Variants in ZNF676 observed in about 807,000 individuals in gnomAD.
The protein encoded by ZNF676 is zinc finger protein 676.
A neutral mutation model predicts 6.0 loss-of-function variants in ZNF676; 4 were observed. The observed-to-expected ratio is 0.67, with a 90% confidence interval of 0.33 to 1.53. ZNF676 has a LOEUF of 1.53. Among genes scored for constraint, ZNF676 ranks in the 40% most tolerant of loss-of-function variants. The probability of loss-of-function intolerance (pLI) is 0.06; values close to 1 mark genes in which losing one functional copy is unlikely to be tolerated. For synonymous variants in ZNF676, 198 were observed against 223.1 expected (o/e 0.89, Z 1.00); for missense variants, 644 against 679.7 (o/e 0.95, Z 0.58).
chr19:22,213,932 A>C (rs774956172), intron 1 of ZNF676, among the ~76,000 whole-genome samples: 2 of 152,220 alleles, frequency 1.3e-5, no homozygotes, highest in Non-Finnish European at 2.9e-5. Flanking sequence ...GACCCAAAAA[A>C]CATTCTGATA....
chr19:22,191,330 G>A (rs1474984046), intron 2 of ZNF676, among the ~76,000 whole-genome samples: 1 of 152,150 alleles, frequency 6.6e-6, no homozygotes, highest in Non-Finnish European at 1.5e-5. Flanking sequence ...TGGTCCCACA[G>A]AGAATTTTGA....
At chr19:22,190,634 T>TATATAC (rs1243858851) in intron 2 of ZNF676, among the ~76,000 whole-genome samples, 8 of 69,032 alleles carry the variant, frequency 1.2e-4, no homozygotes. Context: ...ATGCAACATA[T>TATATAC]ATATATATAT....
the ZNF676 span, among the ~76,000 whole-genome samples, chr19:22,237,151 T>A: frequency 1.3e-5 from 2 of 152,178 alleles, no homozygotes; most frequent in Non-Finnish European, 2.9e-5. Context: ...CACTCCAGTA[T>A]CCCAATGTGC....
At chr19:22,259,408 C>T in the ZNF676 span, among the ~76,000 whole-genome samples, 1,133 of 152,110 alleles carry the variant, frequency 7.4e-3, 1 homozygote, top group African/African-American at 0.025. Context: ...TCACAATCTC[C>T]TTTTGTGGAC....
chr19:22,253,372 GTATATATATA>G, the ZNF676 span, among the ~76,000 whole-genome samples: 1 of 90,864 alleles, frequency 1.1e-5, no homozygotes, highest in African/African-American at 4.0e-5. Flanking sequence ...GTGTGTGTGT[GTATATATATA>G]TATATATATA....
rs1274937470 is a variant in ZNF676, at chr19:22,180,384, C to A, written c.1333G>T (p.Gly445Ter). The change falls in exon 3 of 3, where the codon GGA becomes TGA. Residue 445 changes from glycine (G) to a stop codon, truncating the protein, a stop_gained. Transcript: ENST00000397121. LOFTEE classifies it low-confidence loss of function (END_TRUNC). ...SLTEHKRIHA[G>*]EKPYKCEECG... ...TCTTCACATTTGTAGGGTTTCTCTC[C>A]AGCATGAATTCTCTTGTGTTCAGTA... is the stretch of plus-strand genomic sequence containing the variant. 6.2e-7 allele frequency: 1 copy of A among 1,613,854 alleles called. No homozygotes were observed. Among genetic ancestry groups the A allele is most frequent in the Non-Finnish European group, 8.5e-7 (1 of 1,179,914 alleles).
upstream of ZNF676, among the ~76,000 whole-genome samples, chr19:22,219,039 T>A (rs1025812615): frequency 6.6e-6 from 1 of 150,846 alleles, no homozygotes; most frequent in Non-Finnish European, 1.5e-5. Context: ...TAGGATTTTT[T>A]TTTTTTTGGT....
At chr19:22,196,492 CTT>C (rs771464852) in intron 1 of ZNF676, 106 bp downstream of exon 1, 112 of 1,593,518 alleles carry the variant, frequency 7.0e-5, no homozygotes, top group Non-Finnish European at 9.1e-5. Context: ...ACTCTTTTGT[CTT>C]TGTCTGTATT....
the ZNF676 span, among the ~76,000 whole-genome samples, chr19:22,257,551 C>A: frequency 6.6e-6 from 1 of 152,160 alleles, no homozygotes; most frequent in Non-Finnish European, 1.5e-5. Flanking sequence ...GTAATAATGT[C>A]CCTGGGGGCA....
intron 2 of ZNF676, among the ~76,000 whole-genome samples, chr19:22,187,934 AGG>A (rs547161386): frequency 1.5e-3 from 223 of 152,120 alleles, no homozygotes; most frequent in African/African-American, 5.1e-3. Flanking sequence ...TTTGTACCAG[AGG>A]TACAAAGAAG....
chr19:22,242,032 G>A, the ZNF676 span, among the ~76,000 whole-genome samples: 1 of 151,884 alleles, frequency 6.6e-6, no homozygotes, highest in Non-Finnish European at 1.5e-5. Flanking sequence ...TACAGTATGT[G>A]AGGGAGTGGA....
At chr19:22,191,992 CA>C (rs1461621407) in intron 2 of ZNF676, among the ~76,000 whole-genome samples, 1 of 152,018 alleles carries the variant, frequency 6.6e-6, no homozygotes, top group Non-Finnish European at 1.5e-5. Context: ...AAAAATTAGT[CA>C]AAAAAATTTT....
intron 1 of ZNF676, 148 bp from the exon 2 acceptor site, chr19:22,193,259 G>A (rs903901015): frequency 9.1e-5 from 87 of 952,810 alleles, no homozygotes; most frequent in Middle Eastern, 2.6e-4. Flanking sequence ...GAAGAAAAAC[G>A]TTATGTGCAG....
intron 1 of ZNF676, among the ~76,000 whole-genome samples, chr19:22,209,126 G>A: frequency 6.6e-6 from 1 of 151,990 alleles, no homozygotes; most frequent in East Asian, 1.9e-4. Flanking sequence ...TTAGCTGAGT[G>A]TGGTGGCACA....
At chr19:22,255,805 A>ACTGCACTC in the ZNF676 span, among the ~76,000 whole-genome samples, 69 of 151,046 alleles carry the variant, frequency 4.6e-4, no homozygotes, top group Non-Finnish European at 2.2e-4. Flanking sequence ...AGATAGTGCC[A>ACTGCACTC]CTGCACTCCT....
the ZNF676 span, among the ~76,000 whole-genome samples, chr19:22,235,101 AAGTCAGGAAGGC>A: frequency 1.6e-4 from 21 of 133,886 alleles, 1 homozygote; most frequent in African/African-American, 5.8e-4. Context: ...AGGAAGAAGG[AAGTCAGGAAGGC>A]AGGAAGGCAG....
the ZNF676 span, among the ~76,000 whole-genome samples, chr19:22,260,127 C>T: frequency 1.5e-4 from 23 of 152,214 alleles, no homozygotes; most frequent in African/African-American, 3.4e-4. Context: ...CCCCAGGTCC[C>T]GGCCAGATTC....
upstream of ZNF676, among the ~76,000 whole-genome samples, chr19:22,198,346 A>C (rs1278728838): frequency 6.6e-6 from 1 of 152,164 alleles, no homozygotes; most frequent in Non-Finnish European, 1.5e-5. Flanking sequence ...AAAAAAATAT[A>C]TTTTTCAGAG....
intron 2 of ZNF676, among the ~76,000 whole-genome samples, chr19:22,192,198 G>A (rs2023916947): frequency 6.6e-6 from 1 of 151,898 alleles, no homozygotes; most frequent in Non-Finnish European, 1.5e-5. Context: ...TGATAAAATA[G>A]AAAAAGAAAA....
Sources: gnomAD v4.1 joint callset for allele counts (sites outside exome capture counted in the v4.1 genomes callset) on GRCh38, gnomAD v4.1.1 for gene constraint, MANE v1.5 for transcripts, NCBI Gene and HGNC (gene_info 2026-07-23, HGNC 2026-07-21) for gene names.